The following AGBL1 variants were observed in gnomAD, a reference collection of about 807,000 sequenced individuals.
AGBL1 encodes the protein AGBL carboxypeptidase 1.
In AGBL1, 130 loss-of-function variants were observed where a neutral mutation model predicts 118.9. The observed-to-expected ratio is 1.09, with a 90% CI of 0.95 to 1.26. The LOEUF (loss-of-function observed/expected upper bound fraction) is 1.26. Ranked by LOEUF, AGBL1 falls within the 50% of genes most tolerant of loss-of-function variation. AGBL1 has a pLI of 0.00. For synonymous variants in AGBL1, 555 were observed against 478.9 expected, an observed-to-expected ratio of 1.16 and a Z score of -2.08; for missense variants, 1,584 against 1,298.1, an observed-to-expected ratio of 1.22 and a Z score of -3.38.
chr15:86,308,865 G>T (rs970447329), intron 17 of AGBL1, among the ~76,000 whole-genome samples: 1 of 152,144 alleles, frequency 6.6e-6, no homozygotes, highest in Non-Finnish European at 1.5e-5. Flanking sequence ...GATGTCTCCA[G>T]CTTTGTTCTT....
At chr15:86,797,890 C>G (rs947757396) in intron 22 of AGBL1, among the ~76,000 whole-genome samples, 2 of 152,086 alleles carry the variant, frequency 1.3e-5, no homozygotes, top group Non-Finnish European at 2.9e-5. Context: ...TTGGATATGA[C>G]CTTTTTGTCA....
chr15:86,279,162 T>C (rs1335116456), intron 15 of AGBL1, among the ~76,000 whole-genome samples: 4 of 152,220 alleles, frequency 2.6e-5, no homozygotes, highest in Non-Finnish European at 5.9e-5. Flanking sequence ...TGGAACTCCA[T>C]ATATCATGTG....
chr15:86,215,114 C>T (rs1399867035), intron 5 of AGBL1, among the ~76,000 whole-genome samples: 1 of 152,012 alleles, frequency 6.6e-6, no homozygotes, highest in African/African-American at 2.4e-5. Context: ...ATCTCAGTTT[C>T]TGTTTCTGTT....
intron 21 of AGBL1, among the ~76,000 whole-genome samples, chr15:86,665,668 A>G (rs2085631703): frequency 6.6e-6 from 1 of 152,124 alleles, no homozygotes; most frequent in Non-Finnish European, 1.5e-5. Flanking sequence ...TATACATTGA[A>G]AAACCTTCTC....
Position 86,257,129 on chromosome 15 carries a change from TGTCTATTAAGCTAA to T in AGBL1, c.901+112_901+125del, listed in dbSNP as rs1279854451. 5.9e-6 allele frequency: 7 copies of T among 1,194,640 alleles called. No individual in the cohort carries two copies. The African/African-American group carries it at 1.1e-4, about 19-fold the overall frequency. 74.0% of individuals were successfully genotyped at this position (1,194,640 alleles called of 1,614,324 possible). ...CGTTATTTTATAGGTCAACCATAAT[TGTCTATTAAGCTAA>T]TTAGAGACATATATGAAAAAGCAGT... is the stretch of plus-strand genomic sequence containing the variant. On this transcript the variant is annotated intron_variant, in intron 8 of 22. Coordinates refer to ENST00000614907, the MANE Select transcript of AGBL1 (RefSeq NM_001386094.1).
intron 18 of AGBL1, among the ~76,000 whole-genome samples, chr15:86,515,398 C>A (rs1330537228): frequency 6.6e-6 from 1 of 152,066 alleles, no homozygotes; most frequent in African/African-American, 2.4e-5. Flanking sequence ...TACACACATA[C>A]ACGCACAGTA....
intron 17 of AGBL1, among the ~76,000 whole-genome samples, chr15:86,298,766 C>G (rs1171927967): frequency 1.3e-5 from 2 of 152,130 alleles, no homozygotes; most frequent in African/African-American, 4.8e-5. Flanking sequence ...AAGGTTTTCT[C>G]TCCACTGTGT....
intron 1 of AGBL1, among the ~76,000 whole-genome samples, chr15:86,107,909 G>C (rs1049569752): frequency 3.3e-5 from 5 of 152,136 alleles, no homozygotes; most frequent in African/African-American, 1.2e-4. Flanking sequence ...TTGCATAGTA[G>C]TACCTCATTT....
intron 23 of AGBL1, among the ~76,000 whole-genome samples, chr15:86,955,126 A>G (rs1363791162): frequency 1.3e-5 from 2 of 152,132 alleles, no homozygotes; most frequent in East Asian, 3.9e-4. Flanking sequence ...CAATTTCATT[A>G]TCATTTTGGA....
intron 5 of AGBL1, among the ~76,000 whole-genome samples, chr15:86,211,960 C>T (rs772240524): frequency 2.5e-4 from 38 of 152,234 alleles, no homozygotes; most frequent in African/African-American, 5.5e-4. Context: ...TGTTCCTATT[C>T]GGCCATCTTG....
At chr15:86,931,535 A>T (rs2141636126) in intron 23 of AGBL1, among the ~76,000 whole-genome samples, 2 of 152,060 alleles carry the variant, frequency 1.3e-5, no homozygotes, top group African/African-American at 4.8e-5. Context: ...TTCACTGAAA[A>T]ATTACAGCAA....
At chr15:86,656,383 G>A (rs2085461873) in intron 21 of AGBL1, among the ~76,000 whole-genome samples, 1 of 152,042 alleles carries the variant, frequency 6.6e-6, no homozygotes. Context: ...TATCACCCTG[G>A]GGCTTTAGGG....
chr15:86,958,069 G>A (rs558646292), intron 23 of AGBL1, among the ~76,000 whole-genome samples: 1 of 152,078 alleles, frequency 6.6e-6, no homozygotes, highest in African/African-American at 2.4e-5. Context: ...AGCCGATTGT[G>A]TGTCATACAA....
chr15:86,475,626 T>C (rs1211257030), intron 18 of AGBL1, among the ~76,000 whole-genome samples: 3 of 152,092 alleles, frequency 2.0e-5, no homozygotes, highest in Non-Finnish European at 4.4e-5. Context: ...ATGCGGAGAA[T>C]GGAACCAAGT....
chr15:86,845,882 C>T (rs1333836580), intron 22 of AGBL1, among the ~76,000 whole-genome samples: 2 of 152,130 alleles, frequency 1.3e-5, no homozygotes, highest in Non-Finnish European at 2.9e-5. Flanking sequence ...TATATCTTTT[C>T]TCCCAAACCT....
intron 22 of AGBL1, among the ~76,000 whole-genome samples, chr15:86,854,829 A>C (rs1165423633): frequency 6.6e-6 from 1 of 152,156 alleles, no homozygotes; most frequent in Non-Finnish European, 1.5e-5. Flanking sequence ...TAGCAGCTCA[A>C]AGACCATCAC....
chr15:86,740,224 G>C (rs902439717), intron 22 of AGBL1, among the ~76,000 whole-genome samples: 1 of 152,212 alleles, frequency 6.6e-6, no homozygotes, highest in African/African-American at 2.4e-5. Context: ...GAAGAAAATT[G>C]TTTCCCTAGC....
chr15:86,592,182 G>T (rs565999164), intron 21 of AGBL1, among the ~76,000 whole-genome samples: 205 of 152,252 alleles, frequency 1.3e-3, no homozygotes, highest in African/African-American at 4.7e-3. Flanking sequence ...CCATTGTAAT[G>T]AGTCATTTTC....
chr15:86,645,164 G>A (rs1190873448), intron 21 of AGBL1, among the ~76,000 whole-genome samples: 1 of 152,144 alleles, frequency 6.6e-6, no homozygotes, highest in Non-Finnish European at 1.5e-5. Flanking sequence ...GAAATGGTGT[G>A]GTTATATAGA....
Sources: gnomAD v4.1 joint callset for allele counts (sites outside exome capture counted in the v4.1 genomes callset) on GRCh38, gnomAD v4.1.1 for gene constraint, MANE v1.5 for transcripts, NCBI Gene and HGNC (gene_info 2026-07-23, HGNC 2026-07-21) for gene names.